ADCY8: variants seen among roughly 807,000 people sequenced by gnomAD.
ADCY8 encodes the protein adenylate cyclase 8.
A neutral mutation model predicts 119.7 loss-of-function variants in ADCY8; 51 were observed. The observed-to-expected ratio is 0.43, with a 90% CI of 0.34 to 0.54. The LOEUF is 0.54. Among genes scored for constraint, ADCY8 ranks in the 20% least tolerant of loss-of-function variants. The pLI, the probability that ADCY8 is intolerant of heterozygous loss-of-function variation, is 0.03. For missense variants in ADCY8, 1,383 were observed against 1,598.8 expected (o/e 0.87, Z 2.30); for synonymous variants, 665 against 651.0 (o/e 1.02, Z -0.33).
chr8:130,848,661 T>C (rs953837314), intron 10 of ADCY8, among the ~76,000 whole-genome samples: 1 of 152,162 alleles, frequency 6.6e-6, no homozygotes. Flanking sequence ...GGCACAGTGA[T>C]GGATTCAACC....
intron 4 of ADCY8, among the ~76,000 whole-genome samples, chr8:130,942,167 T>G (rs946913656): frequency 1.3e-5 from 2 of 152,212 alleles, no homozygotes; most frequent in African/African-American, 4.8e-5. Flanking sequence ...AGTCATAAAA[T>G]ACCTAGCATT....
chr8:131,032,474 C>A (rs2130811004), intron 1 of ADCY8, among the ~76,000 whole-genome samples: 1 of 152,172 alleles, frequency 6.6e-6, no homozygotes, highest in Non-Finnish European at 1.5e-5. Flanking sequence ...AAGAAACAAG[C>A]AAACATAGGT....
intron 1 of ADCY8, among the ~76,000 whole-genome samples, chr8:131,017,533 T>C (rs1312645391): frequency 6.6e-6 from 1 of 152,198 alleles, no homozygotes; most frequent in African/African-American, 2.4e-5. Context: ...CTTTATGGTA[T>C]GGGATGGGAA....
chr8:130,830,536 G>A (rs1816800441), intron 12 of ADCY8, among the ~76,000 whole-genome samples: 1 of 152,086 alleles, frequency 6.6e-6, no homozygotes, highest in Non-Finnish European at 1.5e-5. Context: ...AATAGAGAGA[G>A]AGCTGTTTTC....
At chr8:130,987,849 A>G (rs1187461205) in intron 2 of ADCY8, among the ~76,000 whole-genome samples, 1 of 152,198 alleles carries the variant, frequency 6.6e-6, no homozygotes, top group South Asian at 2.1e-4. Flanking sequence ...CTCCATATAA[A>G]TAACCCTAAG....
At chr8:130,974,770 C>A (rs575121931) in intron 2 of ADCY8, among the ~76,000 whole-genome samples, 3 of 152,314 alleles carry the variant, frequency 2.0e-5, no homozygotes, top group African/African-American at 7.2e-5. Flanking sequence ...TGCACCCCTG[C>A]AAGATTTAAA....
chr8:130,867,870 A>C lies in ADCY8; in HGVS notation c.2186T>G (p.Ile729Arg). 1 of 1,611,874 alleles carries C rather than the reference A, an allele frequency of 6.2e-7. No homozygotes were observed. The highest frequency in any genetic ancestry group is 8.5e-7 in the Non-Finnish European group (1 of 1,178,718). Reference sequence around the variant, plus strand: ...CCTTGAAGAAGGAAGCAAACTTTGTATTGCCGTGATAAATAGAAGAACGAT... The same window carrying C: ...CCTTGAAGAAGGAAGCAAACTTTGTCTTGCCGTGATAAATAGAAGAACGAT... Reference protein sequence around the residue: ...AFIVLLFITAIQSLLPSSRVM... With the variant: ...AFIVLLFITARQSLLPSSRVM... The change falls in exon 9 of 18, where the codon ATA (isoleucine) becomes AGA (arginine). Residue 729 changes from isoleucine (I) to arginine (R), a missense_variant. Coordinates refer to ENST00000286355, the MANE Select transcript of ADCY8 (RefSeq NM_001115.3).
At chr8:130,998,231 T>C (rs868831246) in intron 1 of ADCY8, among the ~76,000 whole-genome samples, 1 of 152,072 alleles carries the variant, frequency 6.6e-6, no homozygotes, top group South Asian at 2.1e-4. Context: ...ATAAGTAGGA[T>C]GGAAAGTGAT....
At position 130,909,925 on chromosome 8, in the gene ADCY8, T is replaced by C. The variant is rs954955843; in HGVS notation, c.1482-59A>G. ...TAAGACCAGAGTGGGCATCGTTGGC[T>C]CTGCACTTTCTTTTCTTTTTTTTTT... On this transcript the variant is annotated intron_variant, in intron 5 of 17. Transcript: ENST00000286355. 9.4e-6 allele frequency: 14 copies of C among 1,485,622 alleles called. No individual in the cohort carries two copies. The Admixed American group carries it at 1.5e-4, about 16-fold the overall frequency. 92.0% of individuals were successfully genotyped at this position (1,485,622 alleles called of 1,614,324 possible). A position where few individuals can be genotyped will look rare whatever the true frequency, so the allele number is the denominator to read the frequency against.
At chr8:130,910,040 T>G (rs568886154) in intron 5 of ADCY8, among the ~76,000 whole-genome samples, 174 bp from the exon 6 acceptor site, 12 of 151,388 alleles carry the variant, frequency 7.9e-5, no homozygotes, top group African/African-American at 2.7e-4. Flanking sequence ...TTCTCCTGCC[T>G]CAGCCTTGAT....
At chr8:130,914,205 T>C (rs2130562841) in intron 5 of ADCY8, among the ~76,000 whole-genome samples, 1 of 152,320 alleles carries the variant, frequency 6.6e-6, no homozygotes, top group African/African-American at 2.4e-5. Flanking sequence ...AATCTGACCC[T>C]GAGTTTCCAT....
chr8:130,890,197 G>A (rs541509348), intron 7 of ADCY8, among the ~76,000 whole-genome samples: 11 of 141,378 alleles, frequency 7.8e-5, no homozygotes, highest in African/African-American at 5.1e-5. Flanking sequence ...ACCGGGGCCT[G>A]TTGTGGGGTC....
chr8:130,898,689 C>A (rs543040916), intron 7 of ADCY8, among the ~76,000 whole-genome samples: 1 of 152,284 alleles, frequency 6.6e-6, no homozygotes, highest in Admixed American at 6.5e-5. Flanking sequence ...TGAAAAGGGG[C>A]CTTGCTTCTC....
At chr8:130,802,160 C>A (rs1815800922) in intron 14 of ADCY8, among the ~76,000 whole-genome samples, 2 of 152,174 alleles carry the variant, frequency 1.3e-5, no homozygotes. Context: ...TTCTCTCCAA[C>A]TAAGCCTGTG....
intron 1 of ADCY8, among the ~76,000 whole-genome samples, chr8:130,999,289 G>A (rs1052831693): frequency 6.6e-6 from 1 of 152,166 alleles, no homozygotes; most frequent in Admixed American, 6.6e-5. Context: ...AGTCCTCTAT[G>A]AATTCTTCTG....
intron 15 of ADCY8, among the ~76,000 whole-genome samples, chr8:130,793,401 C>T (rs1019402362): frequency 1.1e-4 from 16 of 152,164 alleles, no homozygotes; most frequent in African/African-American, 3.9e-4. Context: ...TGCACCCCTC[C>T]CTCCAAACCT....
chr8:130,893,794 TTGTGTGTGTGCATGTTTATGCGTG>T (rs1819284982), intron 7 of ADCY8, among the ~76,000 whole-genome samples: 1 of 144,086 alleles, frequency 6.9e-6, no homozygotes, highest in African/African-American at 2.7e-5. Context: ...GTGTGCATGT[TTGTGTGTGTGCATGTTTATGCGTG>T]TGTGTGTTTG....
At chr8:130,966,472 G>T (rs566286226) in intron 2 of ADCY8, among the ~76,000 whole-genome samples, 1 of 152,302 alleles carries the variant, frequency 6.6e-6, no homozygotes, top group South Asian at 2.1e-4. Flanking sequence ...AAAATGAAGG[G>T]CAGGGCAGGA....
At chr8:130,956,600 C>T (rs1009066755) in intron 2 of ADCY8, among the ~76,000 whole-genome samples, 6 of 152,144 alleles carry the variant, frequency 3.9e-5, no homozygotes, top group African/African-American at 9.7e-5. Flanking sequence ...GAGCTCTTTG[C>T]GTTCATCTTT....
Sources: allele counts gnomAD v4.1 joint callset (sites outside exome capture counted in the v4.1 genomes callset), GRCh38; gene constraint gnomAD v4.1.1; transcripts MANE v1.5; gene names NCBI Gene and HGNC (gene_info 2026-07-23, HGNC 2026-07-21).